KIF5C: variants seen among roughly 807,000 people sequenced by gnomAD.
The protein encoded by KIF5C is kinesin heavy chain isoform 5C.
KIF5C carries 18 observed loss-of-function variants against 125.2 expected under a neutral mutation model. That is an observed-to-expected ratio of 0.14 (90% CI 0.10 to 0.21). The LOEUF (loss-of-function observed/expected upper bound fraction) is 0.21. Ranked by LOEUF, KIF5C falls within the 10% of genes least tolerant of loss-of-function variation. The pLI, the probability that KIF5C is intolerant of heterozygous loss-of-function variation, is 1.00. For synonymous variants in KIF5C, 405 were observed against 434.0 expected (o/e 0.93, Z 0.83); for missense variants, 780 against 1,183.8 (o/e 0.66, Z 5.01).
chr2:149,005,860 G>A (rs1020905920), intron 22 of KIF5C, among the ~76,000 whole-genome samples: 3 of 152,152 alleles, frequency 2.0e-5, no homozygotes, highest in African/African-American at 7.2e-5. Flanking sequence ...GGCCATTAGG[G>A]GCTAGGTCAG....
chr2:148,991,434 C>T (rs184715284), intron 16 of KIF5C, among the ~76,000 whole-genome samples: 33 of 152,160 alleles, frequency 2.2e-4, no homozygotes, highest in Admixed American at 4.6e-4. Context: ...ATCTACCCAT[C>T]CATAGATGGA....
chr2:149,019,262 T>A (rs1682459118), intron 25 of KIF5C, among the ~76,000 whole-genome samples: 1 of 152,146 alleles, frequency 6.6e-6, no homozygotes, highest in Non-Finnish European at 1.5e-5. Context: ...TATCACAGGC[T>A]TGTCTGGGAT....
intron 25 of KIF5C, among the ~76,000 whole-genome samples, chr2:149,019,478 AC>A (rs1281664441): frequency 1.3e-5 from 2 of 152,194 alleles, no homozygotes; most frequent in Non-Finnish European, 2.9e-5. Context: ...GGCAATCTCA[AC>A]CCAAAGAAGG....
chr2:149,005,578 A>C, intron 22 of KIF5C, 114 bp downstream of exon 22: 2 of 1,439,344 alleles, frequency 1.4e-6, no homozygotes, highest in Non-Finnish European at 1.9e-6. Context: ...CTTAAAAATT[A>C]ATTACTGCAC....
rs1682625078 is a variant in KIF5C, at chr2:148,950,192, C to T, written c.820-122C>T. The T allele has an allele frequency of 3.4e-6, 5 of 1,461,574 alleles. No homozygotes were observed. The South Asian group carries it at 4.3e-5, about 13-fold the overall frequency. 90.5% of individuals were successfully genotyped at this position (1,461,574 alleles called of 1,614,324 possible). ...CTAAACTTTGGCAAGATCCAAAGAC[C>T]CAGCCACAAATTCTTGTTTTACTCG... On this transcript the variant is annotated intron_variant, in intron 9 of 25. Coordinates refer to ENST00000435030, the MANE Select transcript of KIF5C (RefSeq NM_004522.3).
chr2:148,942,594 C>A, intron 6 of KIF5C, 79 bp from the exon 7 acceptor site: 4 of 1,541,854 alleles, frequency 2.6e-6, no homozygotes, highest in Non-Finnish European at 3.5e-6. Flanking sequence ...AGAAGATAAA[C>A]AGGAAAATGT....
In KIF5C at chr2:148,924,206, T is replaced by G. The variant is rs897322917; in HGVS notation, c.217+1979T>G. ...ACAAGAAAGAACTCCTTGGAACAGA[T>G]GATCAAGTATAGCTGAGGTATCTCT... is the stretch of plus-strand genomic sequence containing the variant. On this transcript the variant is annotated intron_variant, in intron 2 of 25. Coordinates refer to ENST00000435030, the MANE Select transcript of KIF5C (RefSeq NM_004522.3). The surrounding 1 kb of genome is among the most constrained non-coding windows in gnomAD (Gnocchi z 4.0). 6.6e-6 allele frequency among the ~76,000 whole-genome samples: 1 copy of G among 152,212 alleles called. No individual in the cohort carries two copies. Among genetic ancestry groups the G allele is most frequent in the Admixed American group, 6.5e-5 (1 of 15,286 alleles).
chr2:148,998,458 G>T lies in KIF5C; in HGVS notation c.2159G>T (p.Arg720Ile). The T allele has an allele frequency of 6.4e-7, 1 of 1,565,800 alleles. No homozygotes were observed. Among genetic ancestry groups the T allele is most frequent in the Non-Finnish European group, 8.7e-7 (1 of 1,155,146 alleles). Residue 720 changes from arginine to isoleucine, a missense_variant, in exon 19 of 26, where the codon AGA becomes ATA. By Grantham distance (97) the Arg-to-Ile change is moderately conservative. Coordinates refer to ENST00000435030, the MANE Select transcript of KIF5C (RefSeq NM_004522.3). ...HREAHQKQLSRLRDEIEEKQK... is the reference protein window; with the variant it reads ...HREAHQKQLSILRDEIEEKQK... ...GAAGCTCACCAGAAGCAGCTGTCCA[G>T]ACTCCGAGACGAAATTGAGGAGAAG...
intron 12 of KIF5C, among the ~76,000 whole-genome samples, chr2:148,978,457 A>G (rs1206747198): frequency 1.3e-5 from 2 of 151,534 alleles, no homozygotes; most frequent in Non-Finnish European, 2.9e-5. Flanking sequence ...TTGAAGTGGA[A>G]ACATTGGCTC....
At chr2:149,019,770 A>G (rs2105213382) in intron 25 of KIF5C, among the ~76,000 whole-genome samples, 1 of 152,384 alleles carries the variant, frequency 6.6e-6, no homozygotes, top group East Asian at 1.9e-4. Context: ...ATTAAGCTTA[A>G]ATCCACTGCA....
chr2:148,969,985 G>A (rs970589818), intron 11 of KIF5C, among the ~76,000 whole-genome samples: 1 of 152,194 alleles, frequency 6.6e-6, no homozygotes, highest in African/African-American at 2.4e-5. Context: ...GTTCCTGCGT[G>A]TTGCGGCTTT....
chr2:148,875,950 G>A (rs1360155104), intron 1 of KIF5C, among the ~76,000 whole-genome samples: 1 of 151,782 alleles, frequency 6.6e-6, no homozygotes, highest in Non-Finnish European at 1.5e-5. Flanking sequence ...GCGGCGGGCC[G>A]GGCGGGGGTG....
At chr2:149,007,017 G>T (rs185950033) in intron 22 of KIF5C, among the ~76,000 whole-genome samples, 1 of 152,142 alleles carries the variant, frequency 6.6e-6, no homozygotes, top group Non-Finnish European at 1.5e-5. Flanking sequence ...TTTTTCTGCC[G>T]GTGGTTCTCT....
intron 1 of KIF5C, among the ~76,000 whole-genome samples, chr2:148,885,332 C>T (rs967958960): frequency 5.3e-5 from 8 of 152,182 alleles, no homozygotes; most frequent in Non-Finnish European, 1.0e-4. Context: ...GCCAGTGTGT[C>T]AGGGTCACCT....
rs551060722 is a variant in KIF5C at position 148,943,098 on chromosome 2, G to A, written c.589+338G>A. Among the ~76,000 whole-genome samples, 78 of 151,950 alleles carry A rather than the reference G, an allele frequency of 5.1e-4. 1 individual carries two copies. Among genetic ancestry groups the A allele is most frequent in the Admixed American group, 3.9e-4 (6 of 15,248 alleles). On this transcript the variant is annotated intron_variant, in intron 7 of 25. Coordinates refer to ENST00000435030, the MANE Select transcript of KIF5C (RefSeq NM_004522.3). ...GTAAGCTCATCAGTTTATTTATTTT[G>A]ATCATGTTATTGTTCAGGTTAAAAA...
chr2:148,978,173 G>A, intron 12 of KIF5C, among the ~76,000 whole-genome samples: 1 of 152,116 alleles, frequency 6.6e-6, no homozygotes, highest in East Asian at 1.9e-4. Context: ...GGTGGACTGA[G>A]TCTAAGGGGA....
intron 11 of KIF5C, among the ~76,000 whole-genome samples, chr2:148,968,258 G>C (rs1482415275): frequency 6.6e-6 from 1 of 152,148 alleles, no homozygotes; most frequent in Non-Finnish European, 1.5e-5. Flanking sequence ...CACAGGCTGA[G>C]AAAGTGTGGA....
intron 1 of KIF5C, among the ~76,000 whole-genome samples, chr2:148,897,882 G>A (rs1680730713): frequency 8.8e-6 from 1 of 113,878 alleles, no homozygotes. Flanking sequence ...TCATGCCACT[G>A]TACTCCAGCC....
intron 2 of KIF5C, 109 bp from the exon 3 acceptor site, chr2:148,929,172 A>G: frequency 1.6e-6 from 1 of 640,650 alleles, no homozygotes; most frequent in East Asian, 2.8e-5. Flanking sequence ...TATCATTTGT[A>G]TGAAAAATGA....
Sources: gnomAD v4.1 joint callset for allele counts (sites outside exome capture counted in the v4.1 genomes callset) on GRCh38, gnomAD v4.1.1 for gene constraint, Gnocchi (gnomAD v3.1) non-coding constraint, MANE v1.5 for transcripts, NCBI Gene and HGNC (gene_info 2026-07-23, HGNC 2026-07-21) for gene names.